Variants in TRPS1 observed in about 807,000 individuals in gnomAD.
TRPS1 encodes zinc finger transcription factor Trps1.
In TRPS1, 6 loss-of-function variants were observed where a neutral mutation model predicts 101.2. The ratio of observed to expected loss-of-function variants is 0.06; its 90% CI spans 0.03 to 0.12. The LOEUF (loss-of-function observed/expected upper bound fraction) is 0.12. Among genes scored for constraint, TRPS1 ranks in the 10% least tolerant of loss-of-function variants. TRPS1 has a pLI of 1.00. For synonymous variants in TRPS1, 578 were observed against 589.8 expected, an observed-to-expected ratio of 0.98 and a Z score of 0.29; for missense variants, 1,363 against 1,567.0, an observed-to-expected ratio of 0.87 and a Z score of 2.20.
At chr8:115,627,286 T>C (rs985137325) in intron 1 of TRPS1, among the ~76,000 whole-genome samples, 1 of 151,778 alleles carries the variant, frequency 6.6e-6, no homozygotes, top group African/African-American at 2.4e-5. Context: ...ACCATTTGTT[T>C]CCCTGCAGAA....
In TRPS1 at chr8:115,529,083, G is replaced by T. The variant is rs185058497; in HGVS notation, c.2700+57918C>A. ...TAGGAAGGAGACGATTAAAAACTAA[G>T]CTGAGGCAGTGACACAGGGAATATA... On this transcript the variant is annotated intron_variant, in intron 5 of 6. Coordinates refer to ENST00000395715, the MANE Select transcript of TRPS1 (RefSeq NM_014112.5). Among the ~76,000 whole-genome samples, 37 of 152,132 alleles carry T rather than the reference G, an allele frequency of 2.4e-4. No individual in the cohort carries two copies. In the South Asian group the frequency reaches 7.0e-3, roughly 29 times the overall value.
intron 5 of TRPS1, among the ~76,000 whole-genome samples, chr8:115,444,721 T>A (rs567693293): frequency 1.3e-5 from 2 of 152,316 alleles, no homozygotes; most frequent in East Asian, 3.9e-4. Context: ...CTCAACAATT[T>A]TTTTAAATGG....
chr8:115,612,670 T>G (rs1818197088), intron 3 of TRPS1, among the ~76,000 whole-genome samples: 1 of 152,218 alleles, frequency 6.6e-6, no homozygotes. Context: ...CCTGGACACA[T>G]GAAAGGATGC....
chr8:115,580,324 C>A (rs1021513233), intron 5 of TRPS1, among the ~76,000 whole-genome samples: 3 of 150,520 alleles, frequency 2.0e-5, no homozygotes, highest in Admixed American at 6.6e-5. Context: ...CCCCAAAAAT[C>A]CAAAATAAAA....
intron 5 of TRPS1, among the ~76,000 whole-genome samples, chr8:115,492,482 C>A (rs62512997): frequency 3.5e-5 from 5 of 141,290 alleles, no homozygotes; most frequent in Admixed American, 7.0e-5. Context: ...TGTGTGTGTG[C>A]GTGCGTGTGC....
chr8:115,482,979 G>A (rs1184393803), intron 5 of TRPS1, among the ~76,000 whole-genome samples: 2 of 152,170 alleles, frequency 1.3e-5, no homozygotes, highest in African/African-American at 4.8e-5. Context: ...TTTTACATAT[G>A]AGTTTTATTT....
At chr8:115,544,904 CTT>C (rs915826546) in intron 5 of TRPS1, among the ~76,000 whole-genome samples, 145 of 152,004 alleles carry the variant, frequency 9.5e-4, no homozygotes, top group African/African-American at 3.4e-3. Flanking sequence ...CAAGATATAA[CTT>C]TTTTTGGTTC....
chr8:115,441,890 A>T (rs201398854), intron 5 of TRPS1, among the ~76,000 whole-genome samples: 14 of 137,462 alleles, frequency 1.0e-4, no homozygotes, highest in East Asian at 4.4e-4. Context: ...AGAGAGAGAG[A>T]GAGAGAGAGT....
chr8:115,604,076 C>G lies in TRPS1; in HGVS notation c.1893G>C (p.Gln631His), dbSNP rs776501822. 29 of 1,613,926 alleles carry G rather than the reference C, an allele frequency of 1.8e-5. No individual in the cohort carries two copies. The highest frequency in any genetic ancestry group is 2.4e-5 in the Non-Finnish European group (28 of 1,179,994). ...GSSRVKHQCH[Q>H]CSFTTPDVDV... ...CTACGTCAGGGGTGGTGAATGAACA[C>G]TGATGGCACTGATGTTTGACTCGCG... The change falls in exon 4 of 7, where the codon CAG becomes CAC. Residue 631 changes from glutamine (Q) to histidine (H), a missense_variant. Transcript: ENST00000395715. The surrounding 1 kb of genome is among the most constrained non-coding windows in gnomAD (Gnocchi z 4.1).
intron 5 of TRPS1, among the ~76,000 whole-genome samples, chr8:115,502,718 T>C (rs1815347857): frequency 6.6e-6 from 1 of 152,150 alleles, no homozygotes; most frequent in African/African-American, 2.4e-5. Flanking sequence ...GCCAGCCAAT[T>C]CATCATGCTT....
chr8:115,443,531 C>A (rs1184077952), intron 5 of TRPS1, among the ~76,000 whole-genome samples: 4 of 152,134 alleles, frequency 2.6e-5, no homozygotes, highest in Non-Finnish European at 5.9e-5. Flanking sequence ...TATCCTAAGC[C>A]TTTCTGTCTT....
chr8:115,616,548 A>T (rs1818280595), intron 3 of TRPS1, among the ~76,000 whole-genome samples: 1 of 151,228 alleles, frequency 6.6e-6, no homozygotes, highest in African/African-American at 2.4e-5. Context: ...TTTGGCCTAA[A>T]ATGTCATAAA....
intron 5 of TRPS1, among the ~76,000 whole-genome samples, chr8:115,537,515 C>T (rs557544450): frequency 1.4e-4 from 22 of 152,226 alleles, no homozygotes; most frequent in Non-Finnish European, 3.1e-4. Context: ...TGCCACAAAA[C>T]CCATAAGTCG....
chr8:115,476,005 CTTTTTTTT>C lies in TRPS1; in HGVS notation c.2701-57561_2701-57554del, dbSNP rs1169514340. On this transcript the variant is annotated intron_variant, in intron 5 of 6. Coordinates refer to ENST00000395715, the MANE Select transcript of TRPS1 (RefSeq NM_014112.5). ...AAGAGGTGTTCAGAAAATATACTTTCTTTTTTTTTTTTTTTTTTTTTTTTTTTTTTTGA... is the reference window on the plus strand; with the variant it reads ...AAGAGGTGTTCAGAAAATATACTTTCTTTTTTTTTTTTTTTTTTTTTTTGA... 5.7e-4 allele frequency among the ~76,000 whole-genome samples: 23 copies of C among 40,706 alleles called. 1 individual carries two copies. Among genetic ancestry groups the C allele is most frequent in the South Asian group, 1.8e-3 (2 of 1,082 alleles). 26.7% of individuals were successfully genotyped at this position (40,706 alleles called of 152,430 possible).
At chr8:115,541,926 A>G (rs531776005) in intron 5 of TRPS1, among the ~76,000 whole-genome samples, 1 of 152,332 alleles carries the variant, frequency 6.6e-6, no homozygotes, top group South Asian at 2.1e-4. Flanking sequence ...AAGAGAAGTC[A>G]GAGGTCAGAG....
chr8:115,655,683 A>C (rs1406375902), intron 1 of TRPS1, among the ~76,000 whole-genome samples: 1 of 152,154 alleles, frequency 6.6e-6, no homozygotes, highest in Non-Finnish European at 1.5e-5. Flanking sequence ...TTATGAAAAT[A>C]AACCCCCACC....
intron 1 of TRPS1, among the ~76,000 whole-genome samples, chr8:115,641,555 C>T (rs1014640652): frequency 1.3e-5 from 2 of 152,110 alleles, no homozygotes; most frequent in African/African-American, 4.8e-5. Context: ...AAATTACCAG[C>T]CTATAGCAAT....
chr8:115,614,763 C>T (rs1818241332), intron 3 of TRPS1, among the ~76,000 whole-genome samples: 2 of 152,142 alleles, frequency 1.3e-5, no homozygotes, highest in South Asian at 4.1e-4. Context: ...CAACTTCCCT[C>T]CTACTCCAGA....
chr8:115,492,862 T>C, intron 5 of TRPS1, among the ~76,000 whole-genome samples: 1 of 151,828 alleles, frequency 6.6e-6, no homozygotes, highest in Non-Finnish European at 1.5e-5. Context: ...TACAGTAGTG[T>C]GCCACCACAC....
Sources: allele counts gnomAD v4.1 joint callset (sites outside exome capture counted in the v4.1 genomes callset), GRCh38; gene constraint gnomAD v4.1.1; non-coding constraint Gnocchi (gnomAD v3.1); transcripts MANE v1.5; gene names NCBI Gene and HGNC (gene_info 2026-07-23, HGNC 2026-07-21).